Variants in PLPPR2 observed in about 807,000 individuals in gnomAD.
PLPPR2 encodes the protein phospholipid phosphatase-related protein type 2.
A neutral mutation model predicts 40.3 loss-of-function variants in PLPPR2; 11 were observed. The ratio of observed to expected loss-of-function variants is 0.27; its 90% CI spans 0.17 to 0.45. The LOEUF is 0.45. PLPPR2 is among the 20% of genes least tolerant of loss of function. PLPPR2 has a pLI of 1.00. For missense variants in PLPPR2, 497 were observed against 640.7 expected, an observed-to-expected ratio of 0.78 and a Z score of 2.42; for synonymous variants, 260 against 290.8, an observed-to-expected ratio of 0.89 and a Z score of 1.08.
chr19:11,361,597 T>A lies in PLPPR2; in HGVS notation c.663+109T>A. 7.0e-7 allele frequency: 1 copy of A among 1,435,310 alleles called. No homozygotes were observed. The highest frequency in any genetic ancestry group is 9.3e-7 in the Non-Finnish European group (1 of 1,079,120). The allele number at this position is 1,435,310 out of a possible 1,614,324, so 88.9% of individuals were successfully genotyped here. A position where few individuals can be genotyped will look rare whatever the true frequency, so the allele number is the denominator to read the frequency against. On this transcript the variant is annotated intron_variant, in intron 6 of 9. Transcript: ENST00000688289. The surrounding 1 kb of genome is among the most constrained non-coding windows in gnomAD (Gnocchi z 6.3). ...CTCTGCTCTTCCACGCCCCGGGTGC[T>A]GTTGGAAGCTCTCGCTCCACGCCCC... is the stretch of plus-strand genomic sequence containing the variant.
Position 11,364,949 on chromosome 19 carries a change from G to T in PLPPR2, c.*259G>T. 1.9e-6 allele frequency: 1 copy of T among 532,514 alleles called. No homozygotes were observed. The highest frequency in any genetic ancestry group is 2.4e-5 in the South Asian group (1 of 41,020). The allele number at this position is 532,514 out of a possible 1,614,324, so 33.0% of individuals were successfully genotyped here. A position where few individuals can be genotyped will look rare whatever the true frequency, so the allele number is the denominator to read the frequency against. On this transcript the variant is annotated 3_prime_UTR_variant, in exon 10 of 10. Coordinates refer to ENST00000688289, the MANE Select transcript of PLPPR2 (RefSeq NM_001393892.1). The surrounding 1 kb of genome is among the most constrained non-coding windows in gnomAD (Gnocchi z 5.8). The stretch of plus-strand genomic sequence containing the variant: ...CCAAAGCTTGACCCCATTGGCCATT[G>T]CCTGGCTAATGAGAACCCCTGGTTC...
Position 11,362,406 on chromosome 19 carries a change from C to T in PLPPR2, c.664-107C>T, listed in dbSNP as rs753287452. 1.3e-5 allele frequency: 18 copies of T among 1,402,858 alleles called. No individual in the cohort carries two copies. Among genetic ancestry groups the T allele is most frequent in the Admixed American group, 3.6e-5 (2 of 55,704 alleles). 86.9% of individuals were successfully genotyped at this position (1,402,858 alleles called of 1,614,324 possible). On this transcript the variant is annotated intron_variant, in intron 6 of 9. Coordinates refer to ENST00000688289, the MANE Select transcript of PLPPR2 (RefSeq NM_001393892.1). This position sits in a 1 kb window ranked among gnomAD's most constrained non-coding sequence, Gnocchi z 5.3. ...CCAACCCTGGAGCCCCTGGCCACTC[C>T]CTCCAGCCCCAACGCTCTGGCCATG...
At position 11,362,504 on chromosome 19, in the gene PLPPR2, T is replaced by TC. The variant is rs1379267198; in HGVS notation, c.664-5dup. 6.2e-6 allele frequency: 10 copies of TC among 1,608,588 alleles called. No homozygotes were observed. In the East Asian group the frequency reaches 1.8e-4, roughly 29 times the overall value. On this transcript the variant is annotated splice_polypyrimidine_tract_variant and intron_variant, in intron 6 of 9. Transcript: ENST00000688289. The surrounding 1 kb of genome is among the most constrained non-coding windows in gnomAD (Gnocchi z 5.3). ...CCGCTATCCCCCTGACCAGTCCGGC[T>TC]CCCCGCAGATGTACGTGACTCTCGT... is the stretch of plus-strand genomic sequence containing the variant.
Position 11,362,401 on chromosome 19 carries a change from C to T in PLPPR2, c.664-112C>T, listed in dbSNP as rs774495296. ...TGACTCCAACCCTGGAGCCCCTGGCCACTCCCTCCAGCCCCAACGCTCTGG... is the reference window on the plus strand; with the variant it reads ...TGACTCCAACCCTGGAGCCCCTGGCTACTCCCTCCAGCCCCAACGCTCTGG... On this transcript the variant is annotated intron_variant, in intron 6 of 9. Coordinates refer to ENST00000688289, the MANE Select transcript of PLPPR2 (RefSeq NM_001393892.1). The surrounding 1 kb of genome is among the most constrained non-coding windows in gnomAD (Gnocchi z 5.3). 3 of 1,343,094 alleles carry T rather than the reference C, an allele frequency of 2.2e-6. No individual in the cohort carries two copies. The highest frequency in any genetic ancestry group is 2.4e-5 in the East Asian group (1 of 42,388). The allele number at this position is 1,343,094 out of a possible 1,614,324, so 83.2% of individuals were successfully genotyped here.
chr19:11,363,615 G>A lies in PLPPR2; in HGVS notation c.841-98G>A. ...ATGCATTAGCTGTTTTTGAAAACCG[G>A]AGCCTCACTTTCCTTATCTGAAAAA... On this transcript the variant is annotated intron_variant, in intron 7 of 9. Transcript: ENST00000688289. The surrounding 1 kb of genome is among the most constrained non-coding windows in gnomAD (Gnocchi z 4.8). 1.4e-6 allele frequency: 2 copies of A among 1,395,974 alleles called. No individual in the cohort carries two copies. The highest frequency in any genetic ancestry group is 1.4e-5 in the African/African-American group (1 of 69,258). 86.5% of individuals were successfully genotyped at this position (1,395,974 alleles called of 1,614,324 possible). A position where few individuals can be genotyped will look rare whatever the true frequency, so the allele number is the denominator to read the frequency against.
At position 11,362,131 on chromosome 19, in the gene PLPPR2, C is replaced by T. The variant is rs148827534; in HGVS notation, c.664-382C>T. On this transcript the variant is annotated intron_variant, in intron 6 of 9. Transcript: ENST00000688289. The surrounding 1 kb of genome is among the most constrained non-coding windows in gnomAD (Gnocchi z 5.3). Reference sequence around the variant, plus strand: ...CCTCCTACAGCTCCTACAGCTCCTACAGCTCCCTTCGCCCTGACTCCACCC... The same window carrying T: ...CCTCCTACAGCTCCTACAGCTCCTATAGCTCCCTTCGCCCTGACTCCACCC... 1.8e-3 allele frequency among the ~76,000 whole-genome samples: 271 copies of T among 152,240 alleles called. 4 individuals are homozygous for T. The highest frequency in any genetic ancestry group is 6.4e-3 in the African/African-American group (267 of 41,524).
Position 11,364,438 on chromosome 19 carries a change from T to A in PLPPR2, c.1107T>A (p.Arg369=). The change falls in exon 10 of 10, where the codon CGT becomes CGA. Residue 369 remains arginine, a synonymous_variant. Transcript: ENST00000688289. The surrounding 1 kb of genome is among the most constrained non-coding windows in gnomAD (Gnocchi z 5.8). ...TGTGTTCGTCGCCCCGTGTGCCCCG[T>A]CCTCGATTGAGGTCTGAGCCGACGC... ...PAMCSSPRVP[R]PRLRSEPTPL... 1 of 1,520,570 alleles carries A rather than the reference T, an allele frequency of 6.6e-7. No homozygotes were observed. The highest frequency in any genetic ancestry group is 8.8e-7 in the Non-Finnish European group (1 of 1,139,446). The allele number at this position is 1,520,570 out of a possible 1,614,324, so 94.2% of individuals were successfully genotyped here.
chr19:11,362,329 C>CGGGGGGGGG lies in PLPPR2; in HGVS notation c.664-184_664-183insGGGGGGGGG. 1.7e-6 allele frequency: 1 copy of CGGGGGGGGG among 576,858 alleles called. No individual in the cohort carries two copies. Among genetic ancestry groups the CGGGGGGGGG allele is most frequent in the Non-Finnish European group, 3.0e-6 (1 of 328,098 alleles). 35.7% of individuals were successfully genotyped at this position (576,858 alleles called of 1,614,324 possible). A position where few individuals can be genotyped will look rare whatever the true frequency, so the allele number is the denominator to read the frequency against. On this transcript the variant is annotated intron_variant, in intron 6 of 9. Transcript: ENST00000688289. This position sits in a 1 kb window ranked among gnomAD's most constrained non-coding sequence, Gnocchi z 5.3. ...AGACCTCAATCCCTGACCCCCCCCCCTTTGCCTTTTTGGTCACGCTCCCTG... is the reference window on the plus strand; with the variant it reads ...AGACCTCAATCCCTGACCCCCCCCCCGGGGGGGGGTTTGCCTTTTTGGTCACGCTCCCTG...
chr19:11,364,405 C>T lies in PLPPR2; in HGVS notation c.1074C>T (p.Ala358=). 3.9e-6 allele frequency: 6 copies of T among 1,521,170 alleles called. No homozygotes were observed. The highest frequency in any genetic ancestry group is 5.3e-6 in the Non-Finnish European group (6 of 1,135,978). The allele number at this position is 1,521,170 out of a possible 1,614,324, so 94.2% of individuals were successfully genotyped here. Residue 358 remains alanine (A), a synonymous_variant, in exon 10 of 10, where the codon GCC becomes GCT. Coordinates refer to ENST00000688289, the MANE Select transcript of PLPPR2 (RefSeq NM_001393892.1). The surrounding 1 kb of genome is among the most constrained non-coding windows in gnomAD (Gnocchi z 5.8). ...HLIPSCVSSR[A]PAMCSSPRVP... ...TCCCCAGCTGTGTCTCCTCCAGGGC[C>T]CCAGCCATGTGTTCGTCGCCCCGTG...
At chr19:11,357,852 CCT>C in intron 3 of PLPPR2, 113 bp downstream of exon 3, 1 of 808,672 alleles carries the variant, frequency 1.2e-6, no homozygotes, top group Non-Finnish European at 1.9e-6. Flanking sequence ...CTTGCTGTCC[CCT>C]TTCTCTTGAG....
At chr19:11,358,029 CTGTGTGTGTGTGTG>C (rs751126799) in intron 3 of PLPPR2, among the ~76,000 whole-genome samples, 54,606 of 149,472 alleles carry the variant, frequency 0.37, 11,260 homozygotes, top group Non-Finnish European at 0.47. Context: ...GGGCTGTTCT[CTGTGTGTGTGTGTG>C]TGTGTGTGTG....
Position 11,359,635 on chromosome 19 carries a change from C to G in PLPPR2, c.170C>G (p.Ala57Gly), listed in dbSNP as rs990918432. 1 of 1,613,084 alleles carries G rather than the reference C, an allele frequency of 6.2e-7. No individual in the cohort carries two copies. The highest frequency in any genetic ancestry group is 1.1e-5 in the South Asian group (1 of 90,884). Residue 57 changes from alanine (A) to glycine (G), a missense_variant, in exon 4 of 10, where the codon GCC becomes GGC. Physicochemically the swap from Ala to Gly is moderately conservative, Grantham distance 60. Coordinates refer to ENST00000688289, the MANE Select transcript of PLPPR2 (RefSeq NM_001393892.1). This position sits in a 1 kb window ranked among gnomAD's most constrained non-coding sequence, Gnocchi z 5.6. ...TTCTTCTGCTATGACAGTACCTACG[C>G]CAAGCCCTACCCAGGGCCTGAGGCT... ...QGFFCYDSTYAKPYPGPEAAS... is the reference protein window; with the variant it reads ...QGFFCYDSTYGKPYPGPEAAS...
chr19:11,361,369 G>T lies in PLPPR2; in HGVS notation c.544G>T (p.Asp182Tyr). Reference protein sequence around the residue: ...LPPSPDRPGPDRFVTDQGACA... With the variant: ...LPPSPDRPGPYRFVTDQGACA... Reference sequence around the variant, plus strand: ...ACCTTCTCCGGATCGGCCAGGTCCCGACCGCTTTGTCACTGACCAGGGTGC... The same window carrying T: ...ACCTTCTCCGGATCGGCCAGGTCCCTACCGCTTTGTCACTGACCAGGGTGC... The change falls in exon 6 of 10, where the codon GAC becomes TAC. Residue 182 changes from aspartate (D) to tyrosine (Y), a missense_variant. Physicochemically the swap from Asp to Tyr is radical, Grantham distance 160 (BLOSUM62 -3). Transcript: ENST00000688289. The surrounding 1 kb of genome is among the most constrained non-coding windows in gnomAD (Gnocchi z 6.3). 1 of 1,612,142 alleles carries T rather than the reference G, an allele frequency of 6.2e-7. No individual in the cohort carries two copies.
At chr19:11,358,164 C>T (rs1034499571) in intron 3 of PLPPR2, among the ~76,000 whole-genome samples, 1 of 152,092 alleles carries the variant, frequency 6.6e-6, no homozygotes, top group Non-Finnish European at 1.5e-5. Context: ...AAGCAATTCT[C>T]CTACCTCAGC....
intron 5 of PLPPR2, among the ~76,000 whole-genome samples, chr19:11,360,286 C>CAAAA (rs71164193): frequency 1.2e-5 from 1 of 85,250 alleles, no homozygotes; most frequent in African/African-American, 4.5e-5. Context: ...AACTCCGTCT[C>CAAAA]AAAAAAAAAA....
Position 11,363,682 on chromosome 19 carries a change from G to A in PLPPR2, c.841-31G>A. 1 of 1,590,728 alleles carries A rather than the reference G, an allele frequency of 6.3e-7. No individual in the cohort carries two copies. On this transcript the variant is annotated intron_variant, in intron 7 of 9. Coordinates refer to ENST00000688289, the MANE Select transcript of PLPPR2 (RefSeq NM_001393892.1). The surrounding 1 kb of genome is among the most constrained non-coding windows in gnomAD (Gnocchi z 4.8). Reference sequence around the variant, plus strand: ...ATGGCTCCTATGTGACTTGCCCCAGGCCTCAACACTCTCCTCTCCCTCTAT... The same window carrying A: ...ATGGCTCCTATGTGACTTGCCCCAGACCTCAACACTCTCCTCTCCCTCTAT...
chr19:11,364,658 T>C lies in PLPPR2; in HGVS notation c.1327T>C (p.Tyr443His). ...CTTCCACCGGGACAACTTCAGCCCT[T>C]ACCTGTTTGCCAGCCGTGACCACCT... is the stretch of plus-strand genomic sequence containing the variant. ...SPFHRDNFSP[Y>H]LFASRDHLL Residue 443 changes from tyrosine (Y) to histidine (H), a missense_variant, in exon 10 of 10, where the codon TAC becomes CAC. By Grantham distance (83) the Tyr-to-His change is moderately conservative. Coordinates refer to ENST00000688289, the MANE Select transcript of PLPPR2 (RefSeq NM_001393892.1). The surrounding 1 kb of genome is among the most constrained non-coding windows in gnomAD (Gnocchi z 5.8). 6.5e-7 allele frequency: 1 copy of C among 1,537,076 alleles called. No homozygotes were observed. The highest frequency in any genetic ancestry group is 1.4e-5 in the African/African-American group (1 of 73,118).
chr19:11,362,399 G>T lies in PLPPR2; in HGVS notation c.664-114G>T. ...CATGACTCCAACCCTGGAGCCCCTG[G>T]CCACTCCCTCCAGCCCCAACGCTCT... is the stretch of plus-strand genomic sequence containing the variant. On this transcript the variant is annotated intron_variant, in intron 6 of 9. Coordinates refer to ENST00000688289, the MANE Select transcript of PLPPR2 (RefSeq NM_001393892.1). The surrounding 1 kb of genome is among the most constrained non-coding windows in gnomAD (Gnocchi z 5.3). 7.5e-7 allele frequency: 1 copy of T among 1,332,850 alleles called. No individual in the cohort carries two copies. The highest frequency in any genetic ancestry group is 1.3e-5 in the South Asian group (1 of 78,730). 82.6% of individuals were successfully genotyped at this position (1,332,850 alleles called of 1,614,324 possible). A position where few individuals can be genotyped will look rare whatever the true frequency, so the allele number is the denominator to read the frequency against.
In PLPPR2 at chr19:11,362,094, T is replaced by A. The variant is rs1371190173; in HGVS notation, c.664-419T>A. On this transcript the variant is annotated intron_variant, in intron 6 of 9. Coordinates refer to ENST00000688289, the MANE Select transcript of PLPPR2 (RefSeq NM_001393892.1). The surrounding 1 kb of genome is among the most constrained non-coding windows in gnomAD (Gnocchi z 5.3). The stretch of plus-strand genomic sequence containing the variant: ...CACCCTGTCAGTGGTCCCCTAGGGG[T>A]CAGGGGCTCCACCTCCTACAGCTCC... Among the ~76,000 whole-genome samples the A allele has an allele frequency of 6.6e-6, 1 of 152,010 alleles. No homozygotes were observed. Among genetic ancestry groups the A allele is most frequent in the East Asian group, 1.9e-4 (1 of 5,178 alleles).
Sources: allele counts gnomAD v4.1 joint callset (sites outside exome capture counted in the v4.1 genomes callset), GRCh38; gene constraint gnomAD v4.1.1; non-coding constraint Gnocchi (gnomAD v3.1); transcripts MANE v1.5; gene names NCBI Gene and HGNC (gene_info 2026-07-23, HGNC 2026-07-21).